The following TRAPPC9 variants were observed in gnomAD, a reference collection of about 807,000 sequenced individuals.
TRAPPC9 encodes the protein IKK2 binding protein.
Under a neutral mutation model 124.0 loss-of-function variants are expected in TRAPPC9, and 83 were observed. That is an observed-to-expected ratio of 0.67 (90% CI 0.56 to 0.80). TRAPPC9 has a LOEUF of 0.80. TRAPPC9 is among the 30% of genes least tolerant of loss of function. The pLI is 0.00. For synonymous variants in TRAPPC9, 638 were observed against 617.5 expected, an observed-to-expected ratio of 1.03 and a Z score of -0.49; for missense variants, 1,302 against 1,508.3, an observed-to-expected ratio of 0.86 and a Z score of 2.27.
intron 19 of TRAPPC9, among the ~76,000 whole-genome samples, chr8:139,962,374 A>G (rs1835406925): frequency 8.0e-6 from 1 of 125,302 alleles, no homozygotes; most frequent in African/African-American, 2.5e-5. Flanking sequence ...AGCCATCCAT[A>G]AGCCGTGAAG....
chr8:140,249,665 G>A (rs923391838), intron 16 of TRAPPC9, among the ~76,000 whole-genome samples: 14 of 142,490 alleles, frequency 9.8e-5, no homozygotes, highest in African/African-American at 3.1e-4. Context: ...GGGCAGTGGC[G>A]CGATCTCGGC....
At chr8:140,246,478 A>C (rs956863286) in intron 16 of TRAPPC9, among the ~76,000 whole-genome samples, 2 of 152,186 alleles carry the variant, frequency 1.3e-5, no homozygotes, top group Non-Finnish European at 2.9e-5. Flanking sequence ...TTTTATTCAA[A>C]TTCTAAACTA....
chr8:139,958,538 G>T (rs896616619), intron 19 of TRAPPC9, among the ~76,000 whole-genome samples: 1 of 152,084 alleles, frequency 6.6e-6, no homozygotes, highest in Non-Finnish European at 1.5e-5. Flanking sequence ...CTGTTATCCC[G>T]ACTGCACTCA....
At chr8:140,029,641 A>AAT (rs139497133) in intron 17 of TRAPPC9, among the ~76,000 whole-genome samples, 62,255 of 147,988 alleles carry the variant, frequency 0.42, 15,669 homozygotes, top group Middle Eastern at 0.61. Context: ...TAAAATTAAA[A>AAT]ATATATATAT....
At chr8:140,309,965 C>T (rs557891540) in intron 10 of TRAPPC9, among the ~76,000 whole-genome samples, 28 of 152,200 alleles carry the variant, frequency 1.8e-4, no homozygotes, top group Non-Finnish European at 3.5e-4. Flanking sequence ...CTTCAGAACA[C>T]CTTAAAATTC....
At chr8:140,094,657 G>A (rs917489697) in intron 17 of TRAPPC9, among the ~76,000 whole-genome samples, 5 of 152,140 alleles carry the variant, frequency 3.3e-5, no homozygotes, top group Non-Finnish European at 5.9e-5. Context: ...AGAGGGCCTC[G>A]TCCTGTAAGC....
intron 17 of TRAPPC9, among the ~76,000 whole-genome samples, chr8:140,195,673 C>A (rs768086983): frequency 6.7e-6 from 1 of 149,324 alleles, no homozygotes; most frequent in Non-Finnish European, 1.5e-5. Flanking sequence ...CTACACAGCT[C>A]GCACCTGTGA....
chr8:140,135,108 C>T (rs760695848), intron 17 of TRAPPC9, among the ~76,000 whole-genome samples: 6 of 152,100 alleles, frequency 3.9e-5, no homozygotes, highest in South Asian at 4.2e-4. Flanking sequence ...ATCAAAAGCA[C>T]GATGAGATAA....
chr8:139,872,426 G>GGAT (rs1829000216), intron 21 of TRAPPC9, among the ~76,000 whole-genome samples: 2 of 143,068 alleles, frequency 1.4e-5, no homozygotes, highest in African/African-American at 5.2e-5. Context: ...ATGGATGGAT[G>GGAT]GGCTGGTGGA....
rs1233179540 is a variant in TRAPPC9 at position 140,279,232 on chromosome 8, T to TA, written c.2115-3412_2115-3411insT. On this transcript the variant is annotated intron_variant, in intron 14 of 22. Coordinates refer to ENST00000438773, the MANE Select transcript of TRAPPC9 (RefSeq NM_001160372.4). The stretch of plus-strand genomic sequence containing the variant: ...TTTGACTCTAGTTAGTCTGAGTACC[T>TA]CCTTCCAGACTGAGAGCTCATACAA... Among the ~76,000 whole-genome samples the TA allele has an allele frequency of 2.6e-5, 4 of 152,344 alleles. No homozygotes were observed. In the East Asian group the frequency reaches 7.7e-4, roughly 29 times the overall value.
intron 21 of TRAPPC9, among the ~76,000 whole-genome samples, chr8:139,735,396 G>A (rs920422882): frequency 1.3e-5 from 2 of 152,142 alleles, no homozygotes; most frequent in Non-Finnish European, 2.9e-5. Flanking sequence ...TTGGTTACCT[G>A]TCTGTGCTGT....
chr8:140,227,303 C>T (rs1363876457), intron 16 of TRAPPC9, among the ~76,000 whole-genome samples: 4 of 152,092 alleles, frequency 2.6e-5, no homozygotes, highest in Admixed American at 2.6e-4. Context: ...TTTCTGCCAA[C>T]ACAGGCTATC....
chr8:139,732,522 C>T (rs992438207), intron 21 of TRAPPC9, among the ~76,000 whole-genome samples: 16 of 152,206 alleles, frequency 1.1e-4, no homozygotes, highest in African/African-American at 3.6e-4. Context: ...GGACTCCTGT[C>T]CAGGTGAGAG....
At chr8:140,281,957 A>C (rs1314684565) in intron 14 of TRAPPC9, among the ~76,000 whole-genome samples, 1 of 152,022 alleles carries the variant, frequency 6.6e-6, no homozygotes, top group East Asian at 1.9e-4. Context: ...CTCCCGCATC[A>C]CAGTCCTGAC....
At chr8:140,455,054 G>A (rs1163364700) in intron 1 of TRAPPC9, among the ~76,000 whole-genome samples, 1 of 152,094 alleles carries the variant, frequency 6.6e-6, no homozygotes. Context: ...CCTCCATAGA[G>A]CTACTATAAA....
At chr8:139,901,405 A>AGAATGCT (rs1257361060) in intron 20 of TRAPPC9, among the ~76,000 whole-genome samples, 2 of 152,244 alleles carry the variant, frequency 1.3e-5, no homozygotes, top group Non-Finnish European at 2.9e-5. Flanking sequence ...ATGAACTTTC[A>AGAATGCT]GAATGCTGAT....
chr8:140,159,571 ATAATGC>A (rs1217973033), intron 17 of TRAPPC9, among the ~76,000 whole-genome samples: 3 of 152,252 alleles, frequency 2.0e-5, no homozygotes, highest in African/African-American at 7.2e-5. Flanking sequence ...TATTTCATAG[ATAATGC>A]CAGAATGTCT....
At chr8:139,752,096 C>A (rs1819349802) in intron 21 of TRAPPC9, among the ~76,000 whole-genome samples, 1 of 150,886 alleles carries the variant, frequency 6.6e-6, no homozygotes, top group Non-Finnish European at 1.5e-5. Context: ...CACTCTACAT[C>A]CATCCACTAC....
chr8:140,192,626 G>A lies in TRAPPC9; in HGVS notation c.2556+28833C>T, dbSNP rs557146467. Among the ~76,000 whole-genome samples, 13 of 152,338 alleles carry A rather than the reference G, an allele frequency of 8.5e-5. No homozygotes were observed. In the East Asian group the frequency reaches 9.6e-4, roughly 11 times the overall value. On this transcript the variant is annotated intron_variant, in intron 17 of 22. Coordinates refer to ENST00000438773, the MANE Select transcript of TRAPPC9 (RefSeq NM_001160372.4). ...CAATACCTGCAAAACCTGCTCCGAC[G>A]AGGTTTAAGAACCAGACATAACATG... is the stretch of plus-strand genomic sequence containing the variant.
Sources: gnomAD v4.1 joint callset for allele counts (sites outside exome capture counted in the v4.1 genomes callset) on GRCh38, gnomAD v4.1.1 for gene constraint, MANE v1.5 for transcripts, NCBI Gene and HGNC (gene_info 2026-07-23, HGNC 2026-07-21) for gene names.